PCDH15: variants seen among roughly 807,000 people sequenced by gnomAD.
PCDH15 encodes the protein protocadherin-15.
Under a neutral mutation model 178.5 loss-of-function variants are expected in PCDH15, and 129 were observed. That is an observed-to-expected ratio of 0.72 (90% CI 0.63 to 0.84). The LOEUF (loss-of-function observed/expected upper bound fraction) is 0.84, where lower values mean the gene tolerates loss of function less well. PCDH15 is among the 40% of genes least tolerant of loss of function. The probability of loss-of-function intolerance (pLI) is 0.00; values close to 1 mark genes in which losing one functional copy is unlikely to be tolerated. For missense variants in PCDH15, 2,230 were observed against 2,099.9 expected (o/e 1.06, Z -1.21); for synonymous variants, 800 against 732.0 (o/e 1.09, Z -1.50).
At chr10:54,122,256 T>C (rs1402076246) in intron 15 of PCDH15, among the ~76,000 whole-genome samples, 1 of 152,000 alleles carries the variant, frequency 6.6e-6, no homozygotes, top group Non-Finnish European at 1.5e-5. Context: ...GAACACAATT[T>C]AAACTAAAAC....
chr10:54,259,865 A>G (rs2057184953), intron 8 of PCDH15, among the ~76,000 whole-genome samples: 1 of 152,216 alleles, frequency 6.6e-6, no homozygotes, highest in African/African-American at 2.4e-5. Flanking sequence ...CAGGAAAAAG[A>G]TAAAGAAAAT....
chr10:53,828,069 G>A (rs957266976), intron 31 of PCDH15, among the ~76,000 whole-genome samples: 20 of 151,982 alleles, frequency 1.3e-4, no homozygotes, highest in African/African-American at 3.6e-4. Flanking sequence ...GGCCGGGCAC[G>A]GTGGCTCATG....
intron 3 of PCDH15, among the ~76,000 whole-genome samples, chr10:54,432,568 G>GA (rs1449153329): frequency 6.6e-6 from 1 of 152,052 alleles, no homozygotes; most frequent in African/African-American, 2.4e-5. Flanking sequence ...TGCCATATAG[G>GA]AAAATCACAT....
At chr10:55,385,866 C>T (rs922636069) in intron 2 of PCDH15, among the ~76,000 whole-genome samples, 38 of 149,708 alleles carry the variant, frequency 2.5e-4, no homozygotes, top group Middle Eastern at 3.6e-3. Flanking sequence ...TACATATATG[C>T]GCACATGTAT....
intron 2 of PCDH15, among the ~76,000 whole-genome samples, chr10:54,547,876 G>T (rs550761187): frequency 8.5e-4 from 129 of 151,720 alleles, no homozygotes; most frequent in African/African-American, 3.1e-3. Flanking sequence ...TTCCAAATTG[G>T]CTATGCCATT....
chr10:55,047,856 G>A (rs1471352417), intron 2 of PCDH15, among the ~76,000 whole-genome samples: 1 of 151,638 alleles, frequency 6.6e-6, no homozygotes, highest in Non-Finnish European at 1.5e-5. Flanking sequence ...AAATCTAGCA[G>A]GAAATTTATT....
chr10:54,780,856 C>T (rs186030960), intron 1 of PCDH15, among the ~76,000 whole-genome samples: 4 of 151,972 alleles, frequency 2.6e-5, no homozygotes, highest in African/African-American at 4.8e-5. Flanking sequence ...TATAGATGCC[C>T]GATTGTCAAC....
intron 25 of PCDH15, chr10:53,905,183 G>A: frequency 1.9e-6 from 1 of 518,698 alleles, no homozygotes. Context: ...TAAGTCTGTT[G>A]TTGTCTCACC....
intron 26 of PCDH15, among the ~76,000 whole-genome samples, chr10:53,890,465 C>T (rs2081479684): frequency 1.3e-5 from 2 of 152,088 alleles, no homozygotes; most frequent in South Asian, 4.1e-4. Context: ...TATCAGCATT[C>T]AACATATCTT....
chr10:55,369,349 C>T (rs963643249), intron 2 of PCDH15, among the ~76,000 whole-genome samples: 8 of 151,888 alleles, frequency 5.3e-5, no homozygotes, highest in Non-Finnish European at 1.2e-4. Flanking sequence ...AAATTTATCA[C>T]AGGTCTCTGA....
intron 2 of PCDH15, among the ~76,000 whole-genome samples, chr10:55,045,798 G>A (rs1296554552): frequency 6.6e-6 from 1 of 151,954 alleles, no homozygotes; most frequent in African/African-American, 2.4e-5. Flanking sequence ...ATTGGTGATG[G>A]AGAAAAATTC....
chr10:54,522,420 T>C (rs896505878), intron 3 of PCDH15, among the ~76,000 whole-genome samples: 2 of 152,196 alleles, frequency 1.3e-5, no homozygotes, highest in Admixed American at 1.3e-4. Context: ...ATCTTCAGAG[T>C]CTTTGAATTT....
chr10:53,960,551 T>A (rs571501450), intron 22 of PCDH15, among the ~76,000 whole-genome samples: 1 of 152,236 alleles, frequency 6.6e-6, no homozygotes, highest in Non-Finnish European at 1.5e-5. Context: ...TTTAATAACC[T>A]ACATTACATC....
intron 1 of PCDH15, among the ~76,000 whole-genome samples, chr10:54,712,231 T>C (rs1192235877): frequency 1.3e-5 from 2 of 151,818 alleles, no homozygotes; most frequent in African/African-American, 4.8e-5. Context: ...GAAAAATGAA[T>C]ATTTAAAAAA....
At chr10:55,311,116 G>A (rs1323479953) in intron 1 of PCDH15, among the ~76,000 whole-genome samples, 1 of 152,188 alleles carries the variant, frequency 6.6e-6, no homozygotes, top group East Asian at 1.9e-4. Flanking sequence ...ATGACTTCCA[G>A]AGAAGGTGGC....
In PCDH15 at chr10:55,398,140, T is replaced by G. The variant is rs548624280; in HGVS notation, c.-156+229485A>C. 4.6e-5 allele frequency among the ~76,000 whole-genome samples: 7 copies of G among 151,526 alleles called. No homozygotes were observed. In the East Asian group the frequency reaches 1.2e-3, roughly 25 times the overall value. On this transcript the variant is annotated intron_variant, in intron 2 of 5. Transcript: ENST00000613346. ...ACACAAGTTATCTCCTTTTCATTAT[T>G]TTGGATGTCAATAATTTCATCTGTT...
intron 1 of PCDH15, among the ~76,000 whole-genome samples, chr10:55,173,309 ATGTGTGTGTGTGTG>A (rs775260037): frequency 1.5e-5 from 2 of 133,064 alleles, no homozygotes; most frequent in Non-Finnish European, 3.2e-5. Context: ...TAGAAAGATT[ATGTGTGTGTGTGTG>A]TGTGTGTGTG....
chr10:54,074,942 C>T (rs575612449), intron 17 of PCDH15, among the ~76,000 whole-genome samples: 2 of 152,012 alleles, frequency 1.3e-5, no homozygotes, highest in Admixed American at 1.3e-4. Flanking sequence ...CTCATTGTGG[C>T]CTTGATTTGC....
intron 2 of PCDH15, among the ~76,000 whole-genome samples, chr10:54,950,176 TCA>T (rs1838302267): frequency 6.6e-6 from 1 of 152,074 alleles, no homozygotes; most frequent in East Asian, 1.9e-4. Context: ...TTGAATTGAC[TCA>T]CAGTTCAGCA....
Sources: gnomAD v4.1 joint callset for allele counts (sites outside exome capture counted in the v4.1 genomes callset) on GRCh38, gnomAD v4.1.1 for gene constraint, MANE v1.5 for transcripts, NCBI Gene and HGNC (gene_info 2026-07-23, HGNC 2026-07-21) for gene names.